The following CCND3 variants were observed in gnomAD, a reference collection of about 807,000 sequenced individuals.
CCND3 encodes G1/S-specific cyclin-D3.
Under a neutral mutation model 28.7 loss-of-function variants are expected in CCND3, and 9 were observed. The ratio of observed to expected loss-of-function variants is 0.31; its 90% CI spans 0.19 to 0.55. The LOEUF (loss-of-function observed/expected upper bound fraction) is 0.55, where lower values mean the gene tolerates loss of function less well. Ranked by LOEUF, CCND3 falls within the 20% of genes least tolerant of loss-of-function variation. CCND3 has a pLI of 0.93. For missense variants in CCND3, 315 were observed against 385.8 expected (o/e 0.82, Z 1.54); for synonymous variants, 164 against 163.9 (o/e 1.00, Z 0.00).
chr6:41,942,015 C>T (rs1001824891), upstream of CCND3, among the ~76,000 whole-genome samples: 2 of 152,218 alleles, frequency 1.3e-5, no homozygotes, highest in African/African-American at 4.8e-5. Context: ...AGAGAACTTT[C>T]TAGGAGGTGG....
chr6:42,047,514 G>T (rs1033239277), intron 1 of CCND3, among the ~76,000 whole-genome samples: 1 of 152,194 alleles, frequency 6.6e-6, no homozygotes, highest in Non-Finnish European at 1.5e-5. Context: ...CAGTCTCAGA[G>T]TCCAGGGATG....
At chr6:42,028,064 G>A (rs1400837326) in intron 1 of CCND3, among the ~76,000 whole-genome samples, 2 of 152,112 alleles carry the variant, frequency 1.3e-5, no homozygotes, top group African/African-American at 4.8e-5. Context: ...ATGAAATGGG[G>A]GTAAAAATTG....
intron 1 of CCND3, among the ~76,000 whole-genome samples, chr6:41,964,477 TGTGTGTGAATGTGTGTGTGTGA>T (rs1561964120): frequency 7.6e-5 from 8 of 105,578 alleles, no homozygotes; most frequent in Admixed American, 2.2e-4. Flanking sequence ...TGTGTGTGAG[TGTGTGTGAATGTGTGTGTGTGA>T]GTGTGTGTGT....
At chr6:41,980,010 T>TCACACAAACACACACACA (rs1554162929) in intron 1 of CCND3, among the ~76,000 whole-genome samples, 1 of 137,090 alleles carries the variant, frequency 7.3e-6, no homozygotes, top group Non-Finnish European at 1.6e-5. Flanking sequence ...GCTTTCAAAA[T>TCACACAAACACACACACA]CACACACACA....
chr6:41,943,141 C>T (rs1160369407), upstream of CCND3, among the ~76,000 whole-genome samples: 5 of 151,810 alleles, frequency 3.3e-5, no homozygotes, highest in Non-Finnish European at 7.4e-5. Context: ...GGATTACAGG[C>T]GTGAGCCACC....
rs1393192700 is a variant in CCND3 at position 42,048,877 on chromosome 6, G to A, written c.-422C>T. Reference sequence around the variant, plus strand: ...CCGCGCACCCCCGCCCGCAGCCCCCGCCCCACGCGGCATAGGTGCGGGGGC... The same window carrying A: ...CCGCGCACCCCCGCCCGCAGCCCCCACCCCACGCGGCATAGGTGCGGGGGC... On this transcript the variant is annotated 5_prime_UTR_variant, in exon 1 of 5. Coordinates refer to the CCND3 transcript ENST00000372988. This position sits in a 1 kb window ranked among gnomAD's most constrained non-coding sequence, Gnocchi z 4.7. The A allele has an allele frequency of 3.3e-5, 10 of 303,328 alleles. No individual in the cohort carries two copies. The highest frequency in any genetic ancestry group is 1.6e-4 in the African/African-American group (7 of 42,710). The allele number at this position is 303,328 out of a possible 1,614,324, so 18.8% of individuals were successfully genotyped here.
intron 1 of CCND3, among the ~76,000 whole-genome samples, chr6:41,975,821 C>A (rs1486796465): frequency 6.6e-6 from 1 of 151,538 alleles, no homozygotes; most frequent in Non-Finnish European, 1.5e-5. Context: ...GACAACCAAG[C>A]CTTGATTGGA....
chr6:41,988,923 T>C (rs539574182), intron 1 of CCND3, among the ~76,000 whole-genome samples: 1 of 149,730 alleles, frequency 6.7e-6, no homozygotes, highest in Non-Finnish European at 1.5e-5. Flanking sequence ...ATGGTCTCGA[T>C]CTCCTGACCT....
At chr6:41,946,869 G>A (rs539853740) in intron 1 of CCND3, among the ~76,000 whole-genome samples, 1 of 151,618 alleles carries the variant, frequency 6.6e-6, no homozygotes, top group South Asian at 2.1e-4. Flanking sequence ...CGGATCACCT[G>A]AAGTCAGGAG....
At chr6:41,945,758 G>T (rs925571667), upstream of CCND3, among the ~76,000 whole-genome samples, 2 of 152,156 alleles carry the variant, frequency 1.3e-5, no homozygotes, top group Non-Finnish European at 2.9e-5. Flanking sequence ...GAACCTCTCT[G>T]CTTCCTCTTT....
At chr6:41,959,880 T>C (rs186314587) in intron 1 of CCND3, among the ~76,000 whole-genome samples, 36 of 147,404 alleles carry the variant, frequency 2.4e-4, no homozygotes, top group African/African-American at 2.0e-4. Flanking sequence ...CGCTTGAACC[T>C]AGGAGGCAGA....
chr6:41,997,759 G>A (rs1376798549), intron 1 of CCND3, among the ~76,000 whole-genome samples: 4 of 151,968 alleles, frequency 2.6e-5, no homozygotes, highest in African/African-American at 4.8e-5. Context: ...CTGGCTGGAT[G>A]TGCTTCACCA....
chr6:41,988,885 G>C (rs900256141), intron 1 of CCND3, among the ~76,000 whole-genome samples: 2 of 151,318 alleles, frequency 1.3e-5, no homozygotes, highest in Admixed American at 1.3e-4. Flanking sequence ...ATTTTTAGCA[G>C]AGACGGGGTT....
intron 1 of CCND3, among the ~76,000 whole-genome samples, chr6:42,021,018 C>T (rs9471732): frequency 0.013 from 1,984 of 152,262 alleles, 43 homozygotes; most frequent in African/African-American, 0.042. Flanking sequence ...TCCCAAAGTG[C>T]TGGGATTATA....
intron 2 of CCND3, 120 bp from the exon 3 acceptor site, chr6:41,937,514 G>T: frequency 8.4e-7 from 1 of 1,190,628 alleles, no homozygotes; most frequent in South Asian, 1.5e-5. Flanking sequence ...CAAGACCCCA[G>T]TTCTGTTTCT....
chr6:42,020,995 G>A (rs1763695169), intron 1 of CCND3, among the ~76,000 whole-genome samples: 1 of 152,136 alleles, frequency 6.6e-6, no homozygotes, highest in South Asian at 2.1e-4. Context: ...CAGGTGATCC[G>A]CGTGCCTCGG....
At chr6:41,961,195 C>T (rs187898742) in intron 1 of CCND3, among the ~76,000 whole-genome samples, 89 of 152,268 alleles carry the variant, frequency 5.8e-4, no homozygotes, top group Non-Finnish European at 1.2e-3. Context: ...TCCTTGTGGC[C>T]GAGCGTGGTG....
At chr6:42,040,880 A>C (rs1219269642) in intron 1 of CCND3, among the ~76,000 whole-genome samples, 1 of 121,778 alleles carries the variant, frequency 8.2e-6, no homozygotes, top group East Asian at 3.3e-4. Context: ...AAAAAAAAAC[A>C]AAAAAAAAAA....
chr6:42,039,432 C>T (rs1764307922), intron 1 of CCND3, among the ~76,000 whole-genome samples: 1 of 152,158 alleles, frequency 6.6e-6, no homozygotes, highest in Admixed American at 6.5e-5. Context: ...TATGTGGCAT[C>T]CCCTCTAGGC....
Sources: allele counts gnomAD v4.1 joint callset (sites outside exome capture counted in the v4.1 genomes callset), GRCh38; gene constraint gnomAD v4.1.1; non-coding constraint Gnocchi (gnomAD v3.1); transcripts MANE v1.5; gene names NCBI Gene and HGNC (gene_info 2026-07-23, HGNC 2026-07-21).